The following ARHGAP10 variants were observed in gnomAD, a reference collection of about 807,000 sequenced individuals.
ARHGAP10 encodes the protein rho GTPase-activating protein 10.
ARHGAP10 carries 87 observed loss-of-function variants against 108.6 expected under a neutral mutation model. The observed-to-expected ratio is 0.80, with a 90% CI of 0.67 to 0.96. The LOEUF is 0.96. ARHGAP10 is among the 40% of genes least tolerant of loss of function. The pLI is 0.00. For missense variants in ARHGAP10, 939 were observed against 954.5 expected (o/e 0.98, Z 0.21); for synonymous variants, 347 against 341.1 (o/e 1.02, Z -0.19).
At chr4:147,735,728 C>T (rs1395210928) in intron 1 of ARHGAP10, among the ~76,000 whole-genome samples, 2 of 152,104 alleles carry the variant, frequency 1.3e-5, no homozygotes. Flanking sequence ...GGGAGGAACT[C>T]CAGAGAGAAG....
chr4:147,742,599 C>G (rs904010852), intron 1 of ARHGAP10, among the ~76,000 whole-genome samples: 3 of 149,846 alleles, frequency 2.0e-5, no homozygotes, highest in Non-Finnish European at 4.5e-5. Flanking sequence ...TTCTCCTGCC[C>G]CAGCATCCCG....
At chr4:147,829,845 T>A (rs1188710181) in intron 3 of ARHGAP10, among the ~76,000 whole-genome samples, 1 of 152,220 alleles carries the variant, frequency 6.6e-6, no homozygotes, top group East Asian at 1.9e-4. Context: ...GTTTCATCCC[T>A]AGCCTAAAAT....
chr4:147,832,645 T>TCAAAAAAAAA (rs1732999869), intron 3 of ARHGAP10, among the ~76,000 whole-genome samples: 1 of 4,118 alleles, frequency 2.4e-4, no homozygotes, highest in East Asian at 0.025. Context: ...AGACTCTGTC[T>TCAAAAAAAAA]CAAAAAAAAA....
At chr4:147,851,673 T>A (rs1228759786) in intron 4 of ARHGAP10, among the ~76,000 whole-genome samples, 3 of 152,226 alleles carry the variant, frequency 2.0e-5, no homozygotes, top group African/African-American at 7.2e-5. Context: ...CATTCAGTAA[T>A]AAAACACACT....
At chr4:148,029,956 G>A (rs184073651) in intron 19 of ARHGAP10, among the ~76,000 whole-genome samples, 326 of 151,840 alleles carry the variant, frequency 2.1e-3, no homozygotes, top group Non-Finnish European at 3.7e-3. Flanking sequence ...CCTCCCCTGC[G>A]TTGGTGTCTC....
intron 19 of ARHGAP10, among the ~76,000 whole-genome samples, chr4:148,039,531 C>T (rs985961131): frequency 1.3e-5 from 2 of 151,706 alleles, no homozygotes; most frequent in African/African-American, 4.8e-5. Context: ...AATTCTGGAC[C>T]TCCAGTGATC....
At chr4:147,985,235 G>C (rs1739991372) in intron 18 of ARHGAP10, among the ~76,000 whole-genome samples, 1 of 152,178 alleles carries the variant, frequency 6.6e-6, no homozygotes, top group Non-Finnish European at 1.5e-5. Flanking sequence ...AGATACTCCT[G>C]GGTGTGGGGA....
At chr4:147,797,152 C>G (rs932356511) in intron 1 of ARHGAP10, among the ~76,000 whole-genome samples, 1 of 152,178 alleles carries the variant, frequency 6.6e-6, no homozygotes, top group Non-Finnish European at 1.5e-5. Flanking sequence ...TTTCTCTCCT[C>G]TAGTGGCCTT....
intron 20 of ARHGAP10, among the ~76,000 whole-genome samples, chr4:148,052,635 G>T (rs1729196703): frequency 6.6e-6 from 1 of 152,120 alleles, no homozygotes; most frequent in South Asian, 2.1e-4. Flanking sequence ...AATGCAGTGG[G>T]TTACACTGAG....
intron 19 of ARHGAP10, among the ~76,000 whole-genome samples, chr4:148,044,397 T>G (rs1728785287): frequency 6.6e-6 from 1 of 152,162 alleles, no homozygotes; most frequent in African/African-American, 2.4e-5. Flanking sequence ...TTCTGCCATG[T>G]CATGCCTTGC....
At chr4:147,958,434 G>T (rs1333583991) in intron 16 of ARHGAP10, among the ~76,000 whole-genome samples, 2 of 152,144 alleles carry the variant, frequency 1.3e-5, no homozygotes, top group African/African-American at 4.8e-5. Flanking sequence ...AAGGTCTTTG[G>T]TTATTTATCA....
chr4:147,856,527 G>A (rs765686272), intron 4 of ARHGAP10, among the ~76,000 whole-genome samples: 1 of 152,046 alleles, frequency 6.6e-6, no homozygotes, highest in African/African-American at 2.4e-5. Context: ...CTCTCTGATG[G>A]TTCAGTGTAC....
At chr4:147,780,235 C>T (rs1730476479) in intron 1 of ARHGAP10, among the ~76,000 whole-genome samples, 1 of 152,124 alleles carries the variant, frequency 6.6e-6, no homozygotes, top group South Asian at 2.1e-4. Flanking sequence ...GTGGGTGGAT[C>T]TGGGAGCAGA....
At chr4:147,973,102 G>A (rs1739470128) in intron 18 of ARHGAP10, among the ~76,000 whole-genome samples, 1 of 152,152 alleles carries the variant, frequency 6.6e-6, no homozygotes, top group South Asian at 2.1e-4. Flanking sequence ...CAACTTGTAA[G>A]ATGTATGTGA....
At chr4:148,042,331 A>G (rs1728668452) in intron 19 of ARHGAP10, among the ~76,000 whole-genome samples, 1 of 152,136 alleles carries the variant, frequency 6.6e-6, no homozygotes, top group African/African-American at 2.4e-5. Flanking sequence ...AATCCCTGCA[A>G]TACCTTCCCA....
intron 1 of ARHGAP10, among the ~76,000 whole-genome samples, chr4:147,777,476 T>C (rs1449451231): frequency 6.6e-6 from 1 of 152,108 alleles, no homozygotes; most frequent in Non-Finnish European, 1.5e-5. Flanking sequence ...TTAGCCAGGA[T>C]GGTCTCCATC....
At chr4:147,770,793 T>G (rs1730044344) in intron 1 of ARHGAP10, among the ~76,000 whole-genome samples, 2 of 152,226 alleles carry the variant, frequency 1.3e-5, no homozygotes, top group Non-Finnish European at 2.9e-5. Context: ...AGTTGTATGA[T>G]TCTGCTAGGA....
intron 1 of ARHGAP10, among the ~76,000 whole-genome samples, chr4:147,742,233 G>A (rs1245587223): frequency 6.6e-6 from 1 of 152,044 alleles, no homozygotes; most frequent in African/African-American, 2.4e-5. Context: ...CTTTGGGCAA[G>A]TTATTTAAGC....
intron 13 of ARHGAP10, among the ~76,000 whole-genome samples, chr4:147,935,339 TAA>T (rs769563423): frequency 1.3e-5 from 2 of 152,098 alleles, no homozygotes; most frequent in Non-Finnish European, 2.9e-5. Flanking sequence ...GGTTTGAAAA[TAA>T]AAAGATAGAA....
Sources: gnomAD v4.1 joint callset for allele counts (sites outside exome capture counted in the v4.1 genomes callset) on GRCh38, gnomAD v4.1.1 for gene constraint, MANE v1.5 for transcripts, NCBI Gene and HGNC (gene_info 2026-07-23, HGNC 2026-07-21) for gene names.